Variants in ZNF804B observed in about 807,000 individuals in gnomAD.
ZNF804B encodes the protein zinc finger 804B.
Under a neutral mutation model 101.4 loss-of-function variants are expected in ZNF804B, and 80 were observed. The ratio of observed to expected loss-of-function variants is 0.79; its 90% CI spans 0.66 to 0.95. ZNF804B has a LOEUF of 0.95. Ranked by LOEUF, ZNF804B falls within the 40% of genes least tolerant of loss-of-function variation. ZNF804B has a pLI of 0.00. For missense variants in ZNF804B, 1,673 were observed against 1,561.9 expected (o/e 1.07, Z -1.20); for synonymous variants, 622 against 558.8 (o/e 1.11, Z -1.59).
At position 89,206,315 on chromosome 7, in the gene ZNF804B, C is replaced by T. The variant is rs113154464; in HGVS notation, c.109-11840C>T. 6.0e-3 allele frequency among the ~76,000 whole-genome samples: 918 copies of T among 152,350 alleles called. 10 individuals carry two copies. Among genetic ancestry groups the T allele is most frequent in the African/African-American group, 0.021 (869 of 41,578 alleles). ...TGCATCTCATTACTTATGCAAATTT[C>T]TGCAGCCAGCTTGAATTTCTTCCCA... On this transcript the variant is annotated intron_variant, in intron 1 of 3. Coordinates refer to ENST00000333190, the MANE Select transcript of ZNF804B (RefSeq NM_181646.5).
intron 1 of ZNF804B, among the ~76,000 whole-genome samples, chr7:88,873,690 C>T (rs754841551): frequency 1.9e-4 from 29 of 152,070 alleles, no homozygotes; most frequent in Non-Finnish European, 3.1e-4. Flanking sequence ...CTACATATGG[C>T]GAGCCAGTTC....
At chr7:88,792,657 C>T (rs1790398343) in intron 1 of ZNF804B, among the ~76,000 whole-genome samples, 1 of 151,950 alleles carries the variant, frequency 6.6e-6, no homozygotes, top group South Asian at 2.1e-4. Flanking sequence ...TTTCACAGTT[C>T]AAAGAATAGA....
At chr7:88,909,890 C>T (rs1025489945) in intron 1 of ZNF804B, among the ~76,000 whole-genome samples, 6 of 151,666 alleles carry the variant, frequency 4.0e-5, no homozygotes, top group Admixed American at 6.6e-5. Flanking sequence ...TTTAGTTTTA[C>T]TCACATATTT....
intron 1 of ZNF804B, among the ~76,000 whole-genome samples, chr7:89,088,262 C>T (rs1011166773): frequency 3.3e-5 from 5 of 151,744 alleles, no homozygotes; most frequent in Admixed American, 3.3e-4. Context: ...AAGAACTGAC[C>T]CTCAGATAAA....
chr7:89,221,628 T>A lies in ZNF804B; in HGVS notation c.249+3333T>A, dbSNP rs1789004629. Among the ~76,000 whole-genome samples the A allele has an allele frequency of 1.3e-5, 2 of 151,954 alleles. 1 individual carries two copies. Among genetic ancestry groups the A allele is most frequent in the South Asian group, 4.1e-4 (2 of 4,828 alleles). On this transcript the variant is annotated intron_variant, in intron 2 of 3. Transcript: ENST00000333190. The stretch of plus-strand genomic sequence containing the variant: ...CCTGCCTAATCAATTTGTTTTTTTA[T>A]CATTTTCTTCAATCTTATTTCTATT...
At chr7:89,009,939 C>T (rs1165945694) in intron 1 of ZNF804B, among the ~76,000 whole-genome samples, 4 of 152,102 alleles carry the variant, frequency 2.6e-5, no homozygotes, top group Admixed American at 2.6e-4. Flanking sequence ...CTTTTAATTC[C>T]CTATACACAT....
rs1791129396 is a variant in ZNF804B at position 89,337,947 on chromosome 7, T to G, written c.*915T>G. The stretch of plus-strand genomic sequence containing the variant: ...GGTAAAGGTTTGAAAATGTCAGTGT[T>G]TTTACATGTTTATTGAGGATATCTT... On this transcript the variant is annotated 3_prime_UTR_variant, in exon 4 of 4. Transcript: ENST00000333190. 6.6e-6 allele frequency among the ~76,000 whole-genome samples: 1 copy of G among 152,050 alleles called. No homozygotes were observed. The highest frequency in any genetic ancestry group is 1.9e-4 in the East Asian group (1 of 5,186).
chr7:89,312,366 A>G (rs536128639), intron 2 of ZNF804B, among the ~76,000 whole-genome samples: 2 of 152,316 alleles, frequency 1.3e-5, no homozygotes, highest in East Asian at 1.9e-4. Flanking sequence ...GCAATTAAAC[A>G]TAGCATCCAG....
intron 1 of ZNF804B, among the ~76,000 whole-genome samples, chr7:89,195,991 T>C (rs975202417): frequency 1.3e-5 from 2 of 152,122 alleles, no homozygotes; most frequent in Admixed American, 6.6e-5. Context: ...AAGTAATTTA[T>C]AGATTTGAAG....
chr7:89,070,458 G>A (rs1029791655), intron 1 of ZNF804B, among the ~76,000 whole-genome samples: 9 of 152,098 alleles, frequency 5.9e-5, no homozygotes, highest in African/African-American at 1.7e-4. Context: ...AACACTGGAG[G>A]GTTTATGCAG....
chr7:89,102,440 T>C (rs1421641975), intron 1 of ZNF804B, among the ~76,000 whole-genome samples: 1 of 152,034 alleles, frequency 6.6e-6, no homozygotes, highest in Non-Finnish European at 1.5e-5. Context: ...TGGTTAGTAA[T>C]GTTGAGCGTT....
intron 1 of ZNF804B, among the ~76,000 whole-genome samples, chr7:88,986,003 AC>A (rs1325573510): frequency 1.3e-5 from 2 of 152,154 alleles, no homozygotes; most frequent in African/African-American, 2.4e-5. Context: ...AAAACTGGAA[AC>A]ATAATTTGCA....
At chr7:89,139,283 G>T (rs1054676204) in intron 1 of ZNF804B, among the ~76,000 whole-genome samples, 1 of 152,038 alleles carries the variant, frequency 6.6e-6, no homozygotes, top group African/African-American at 2.4e-5. Flanking sequence ...TAATCTTTTT[G>T]CTGGTTGCGG....
chr7:89,044,311 C>G (rs1180671516), intron 1 of ZNF804B, among the ~76,000 whole-genome samples: 1 of 152,190 alleles, frequency 6.6e-6, no homozygotes, highest in Admixed American at 6.5e-5. Context: ...CCCTGTGGAA[C>G]AGTGAGTCAA....
chr7:88,897,800 C>T (rs1169850004), intron 1 of ZNF804B, among the ~76,000 whole-genome samples: 2 of 151,872 alleles, frequency 1.3e-5, no homozygotes, highest in East Asian at 3.9e-4. Context: ...GTTAAGCTGT[C>T]TCTATTGGAA....
At chr7:89,228,182 A>G (rs1472151213) in intron 2 of ZNF804B, among the ~76,000 whole-genome samples, 1 of 152,124 alleles carries the variant, frequency 6.6e-6, no homozygotes, top group African/African-American at 2.4e-5. Flanking sequence ...CTCAGGAGTG[A>G]AGCTGCAGAC....
At chr7:89,219,823 G>A (rs911195543) in intron 2 of ZNF804B, among the ~76,000 whole-genome samples, 3 of 148,496 alleles carry the variant, frequency 2.0e-5, no homozygotes, top group East Asian at 2.0e-4. Context: ...GCATTATATT[G>A]AGTGTATACT....
At chr7:89,023,786 A>G (rs1215858878) in intron 1 of ZNF804B, among the ~76,000 whole-genome samples, 2 of 152,186 alleles carry the variant, frequency 1.3e-5, no homozygotes, top group Non-Finnish European at 2.9e-5. Context: ...TTCCTATTTT[A>G]GCTGCTCTTT....
intron 2 of ZNF804B, among the ~76,000 whole-genome samples, chr7:89,295,363 GC>G (rs1351003165): frequency 1.3e-5 from 2 of 152,088 alleles, no homozygotes; most frequent in African/African-American, 4.8e-5. Flanking sequence ...CTTTCAGATT[GC>G]CTCAAAGCTT....
Sources: gnomAD v4.1 joint callset for allele counts (sites outside exome capture counted in the v4.1 genomes callset) on GRCh38, gnomAD v4.1.1 for gene constraint, MANE v1.5 for transcripts, NCBI Gene and HGNC (gene_info 2026-07-23, HGNC 2026-07-21) for gene names.